Variants in PCDHGA3 observed in about 807,000 individuals in gnomAD.
The protein encoded by PCDHGA3 is protocadherin gamma subfamily A, 3.
A neutral mutation model predicts 58.5 loss-of-function variants in PCDHGA3; 40 were observed. That is an observed-to-expected ratio of 0.68 (90% CI 0.53 to 0.89). The LOEUF (loss-of-function observed/expected upper bound fraction) is 0.89. PCDHGA3 is among the 40% of genes least tolerant of loss of function. PCDHGA3 has a pLI of 0.00. For synonymous variants in PCDHGA3, 530 were observed against 525.7 expected, an observed-to-expected ratio of 1.01 and a Z score of -0.11; for missense variants, 1,223 against 1,195.9, an observed-to-expected ratio of 1.02 and a Z score of -0.33.
intron 1 of PCDHGA3, chr5:141,384,177 T>C (rs1779802926): frequency 6.2e-7 from 1 of 1,613,720 alleles, no homozygotes; most frequent in African/African-American, 1.3e-5. Flanking sequence ...AAGCCACAGA[T>C]GGTGGAACTC....
intron 1 of PCDHGA3, chr5:141,365,767 C>T (rs775369116): frequency 2.5e-6 from 4 of 1,613,718 alleles, no homozygotes; most frequent in Non-Finnish European, 2.5e-6. Flanking sequence ...CCCATGACCC[C>T]GACAGCGGCG....
At chr5:141,353,305 G>A (rs1033054444) in intron 1 of PCDHGA3, among the ~76,000 whole-genome samples, 2 of 152,084 alleles carry the variant, frequency 1.3e-5, no homozygotes, top group African/African-American at 4.8e-5. Flanking sequence ...CTTTATAAAT[G>A]TATTTAGAGT....
intron 1 of PCDHGA3, chr5:141,376,588 T>A: frequency 6.3e-7 from 1 of 1,575,434 alleles, no homozygotes; most frequent in South Asian, 1.2e-5. Flanking sequence ...ATCAGCTAGA[T>A]CGGCTGTTAT....
In PCDHGA3 at chr5:141,344,717, C is replaced by G. The variant is rs757612658; in HGVS notation, c.684C>G (p.Ile228Met). ...GDPVHSGNLH[I>M]QVIVLDANDN... ...CTGTCCACTCTGGCAACTTGCACAT[C>G]CAAGTGATAGTCCTGGATGCAAATG... The change falls in exon 1 of 4, where the codon ATC becomes ATG. Residue 228 changes from isoleucine to methionine, a missense_variant. This residue lies in a region of PCDHGA3 where 791 missense variants were observed against 708.5 expected (regional missense o/e 1.12). Transcript: ENST00000253812. The G allele has an allele frequency of 6.2e-7, 1 of 1,613,850 alleles. No homozygotes were observed. Among genetic ancestry groups the G allele is most frequent in the African/African-American group, 1.3e-5 (1 of 74,892 alleles).
At chr5:141,371,875 G>A in intron 1 of PCDHGA3, 1 of 1,613,506 alleles carries the variant, frequency 6.2e-7, no homozygotes, top group Non-Finnish European at 8.5e-7. Flanking sequence ...ATCGTGGCCA[G>A]TGACCTGGAG....
intron 1 of PCDHGA3, among the ~76,000 whole-genome samples, chr5:141,473,910 A>G (rs1165685707): frequency 6.6e-6 from 1 of 152,168 alleles, no homozygotes; most frequent in Non-Finnish European, 1.5e-5. Flanking sequence ...AAGAGGTCTT[A>G]AGAAAACTAT....
intron 1 of PCDHGA3, chr5:141,405,119 C>A: frequency 1.2e-6 from 2 of 1,614,024 alleles, no homozygotes; most frequent in South Asian, 1.1e-5. Context: ...GCACTCCTCG[C>A]ATCTGCTGCG....
intron 1 of PCDHGA3, chr5:141,356,581 A>C (rs762640676): frequency 6.2e-7 from 1 of 1,614,132 alleles, no homozygotes; most frequent in South Asian, 1.1e-5. Context: ...CTCTGCTTAC[A>C]TTCCTGAAAA....
At chr5:141,423,357 C>A in intron 1 of PCDHGA3, 1 of 1,614,214 alleles carries the variant, frequency 6.2e-7, no homozygotes, top group Non-Finnish European at 8.5e-7. Flanking sequence ...TCTTTGTCAT[C>A]GTGCTGCTGG....
chr5:141,497,104 T>C (rs757158984), intron 2 of PCDHGA3, among the ~76,000 whole-genome samples: 44 of 151,910 alleles, frequency 2.9e-4, no homozygotes, highest in Non-Finnish European at 5.9e-4. Context: ...CAGAACTGCT[T>C]GAACCCGGAA....
In PCDHGA3 at chr5:141,476,351, G is replaced by A; in HGVS notation, c.2425-18456G>A. The A allele has an allele frequency of 1.2e-6, 2 of 1,614,182 alleles. No individual in the cohort carries two copies. The highest frequency in any genetic ancestry group is 1.7e-6 in the Non-Finnish European group (2 of 1,180,046). ...TGGAGCTAGCCGAAGATTCTTTGAG[G>A]TGAACCGGGAGACCGGAGAGATGTT... On this transcript the variant is annotated intron_variant, in intron 1 of 3. Coordinates refer to ENST00000253812, the MANE Select transcript of PCDHGA3 (RefSeq NM_018916.4). This position sits in a 1 kb window ranked among gnomAD's most constrained non-coding sequence, Gnocchi z 7.6.
chr5:141,476,187 G>T lies in PCDHGA3; in HGVS notation c.2425-18620G>T. 1 of 1,613,782 alleles carries T rather than the reference G, an allele frequency of 6.2e-7. No individual in the cohort carries two copies. The highest frequency in any genetic ancestry group is 8.5e-7 in the Non-Finnish European group (1 of 1,180,028). ...GTAGTGGGAGTTTTGCTTCTGCTTG[G>T]TGCCTTGAACAAGGCTTCCACGGTC... On this transcript the variant is annotated intron_variant, in intron 1 of 3. Transcript: ENST00000253812. This position sits in a 1 kb window ranked among gnomAD's most constrained non-coding sequence, Gnocchi z 7.6.
intron 1 of PCDHGA3, chr5:141,417,798 C>G (rs2096163233): frequency 6.7e-7 from 1 of 1,486,352 alleles, no homozygotes; most frequent in African/African-American, 1.4e-5. Flanking sequence ...GCTCTTTTAG[C>G]GCGGTAGAGT....
chr5:141,499,677 T>C (rs2099793326), intron 2 of PCDHGA3, among the ~76,000 whole-genome samples: 1 of 151,690 alleles, frequency 6.6e-6, no homozygotes, highest in African/African-American at 2.4e-5. Flanking sequence ...CTCCACCATC[T>C]TTAACAGATG....
intron 1 of PCDHGA3, chr5:141,413,602 G>A (rs1561743581): frequency 6.2e-7 from 1 of 1,613,860 alleles, no homozygotes; most frequent in Non-Finnish European, 8.5e-7. Flanking sequence ...AGAAAATCTA[G>A]ACGTAAAAAT....
At chr5:141,408,959 G>A (rs1434961395) in intron 1 of PCDHGA3, 1 of 1,613,722 alleles carries the variant, frequency 6.2e-7, no homozygotes, top group East Asian at 2.2e-5. Context: ...TAGTCTTAGT[G>A]AAAATCTGCC....
intron 2 of PCDHGA3, among the ~76,000 whole-genome samples, chr5:141,499,496 T>C (rs1167360015): frequency 6.6e-6 from 1 of 152,182 alleles, no homozygotes; most frequent in East Asian, 1.9e-4. Flanking sequence ...CAGTTTAATA[T>C]GAAACATTTC....
intron 1 of PCDHGA3, chr5:141,371,150 A>G: frequency 1.2e-6 from 2 of 1,614,018 alleles, no homozygotes; most frequent in Non-Finnish European, 1.7e-6. Context: ...TCAATGTTGC[A>G]GAGAACCTGC....
chr5:141,354,708 A>G (rs1031330796), intron 1 of PCDHGA3, among the ~76,000 whole-genome samples: 2 of 152,190 alleles, frequency 1.3e-5, no homozygotes, highest in African/African-American at 4.8e-5. Context: ...CTATACTGAG[A>G]ATGGGCTGTG....
Sources: allele counts gnomAD v4.1 joint callset (sites outside exome capture counted in the v4.1 genomes callset), GRCh38; gene constraint gnomAD v4.1.1; regional missense constraint gnomAD v4.1.1; non-coding constraint Gnocchi (gnomAD v3.1); transcripts MANE v1.5; gene names NCBI Gene and HGNC (gene_info 2026-07-23, HGNC 2026-07-21).